Variants in MTUS1 observed in about 807,000 individuals in gnomAD.
MTUS1 encodes the protein microtubule associated scaffold protein 1, also known as microtubule-associated tumor suppressor 1.
Under a neutral mutation model 120.8 loss-of-function variants are expected in MTUS1, and 109 were observed. The ratio of observed to expected loss-of-function variants is 0.90; its 90% CI spans 0.77 to 1.06. MTUS1 has a LOEUF of 1.06. MTUS1 is among the 50% of genes least tolerant of loss of function. The probability of loss-of-function intolerance (pLI) is 0.00; values close to 1 mark genes in which losing one functional copy is unlikely to be tolerated. For synonymous variants in MTUS1, 737 were observed against 550.5 expected (o/e 1.34, Z -4.74); for missense variants, 2,210 against 1,486.3 (o/e 1.49, Z -8.01).
Position 17,654,643 on chromosome 8 carries a change from A to G in MTUS1, c.3132T>C (p.His1044=). 2.5e-6 allele frequency: 4 copies of G among 1,614,000 alleles called. No homozygotes were observed. The highest frequency in any genetic ancestry group is 3.4e-6 in the Non-Finnish European group (4 of 1,179,814). ...QEQFDNLNAA[H]ETSKLEIEAS... ...CTTCAATTTCCAACTTAGAGGTTTC[A>G]TGCGCAGCATTTAAGTTGTCAAACT... The change falls in exon 10 of 15, where the codon CAT becomes CAC. Residue 1044 remains histidine (H), a synonymous_variant. Coordinates refer to ENST00000693296, the MANE Select transcript of MTUS1 (RefSeq NM_001363059.2).
At chr8:17,764,824 G>T (rs927711448) in intron 1 of MTUS1, among the ~76,000 whole-genome samples, 2 of 152,150 alleles carry the variant, frequency 1.3e-5, no homozygotes, top group Admixed American at 6.5e-5. Context: ...CTAATCCCGT[G>T]GTCCCCAACC....
Position 17,762,362 on chromosome 8 carries a change from A to G in MTUS1, c.-154-6401T>C, listed in dbSNP as rs568936596. Among the ~76,000 whole-genome samples, 22 of 152,316 alleles carry G rather than the reference A, an allele frequency of 1.4e-4. No homozygotes were observed. In the South Asian group the frequency reaches 4.4e-3, roughly 30 times the overall value. ...ATGTATTATAAAAAATATATTCATA[A>G]GACTCCACCTCCTGTTAAAACCATT... On this transcript the variant is annotated intron_variant, in intron 1 of 14. Transcript: ENST00000693296.
chr8:17,646,874 G>T, intron 14 of MTUS1, 108 bp downstream of exon 14: 2 of 752,438 alleles, frequency 2.7e-6, no homozygotes, highest in South Asian at 3.3e-5. Context: ...TTAACCATCT[G>T]CTTCCATCAT....
In MTUS1 at chr8:17,655,297, A is replaced by AG. The variant is rs1484196546; in HGVS notation, c.3108+565_3108+566insC. On this transcript the variant is annotated intron_variant, in intron 9 of 14. Coordinates refer to ENST00000693296, the MANE Select transcript of MTUS1 (RefSeq NM_001363059.2). ...TAAACAGATGCCACTAAAAAAAAAAAAAAGAAAGAAATGCAAAACAATAGT... is the reference window on the plus strand; with the variant it reads ...TAAACAGATGCCACTAAAAAAAAAAAGAAAGAAAGAAATGCAAAACAATAGT... Among the ~76,000 whole-genome samples, 21 of 152,136 alleles carry AG rather than the reference A, an allele frequency of 1.4e-4. No homozygotes were observed. In the East Asian group the frequency reaches 3.1e-3, roughly 22 times the overall value.
rs563986761 is a variant in MTUS1 at position 17,778,790 on chromosome 8, C to T, written c.-155+22271G>A. The stretch of plus-strand genomic sequence containing the variant: ...CACCACTGCATTCCAGCCTGGGTGG[C>T]CGAGTAAGACTCTATCTCCAAAAAT... On this transcript the variant is annotated intron_variant, in intron 1 of 14. Coordinates refer to ENST00000693296, the MANE Select transcript of MTUS1 (RefSeq NM_001363059.2). 6.3e-4 allele frequency among the ~76,000 whole-genome samples: 96 copies of T among 152,036 alleles called. 1 individual carries two copies. The highest frequency in any genetic ancestry group is 3.4e-3 in the Middle Eastern group (1 of 294).
chr8:17,759,219 T>C, intron 1 of MTUS1, among the ~76,000 whole-genome samples: 1 of 151,974 alleles, frequency 6.6e-6, no homozygotes, highest in East Asian at 1.9e-4. Context: ...AGAGGATAAA[T>C]AATTTTATCA....
chr8:17,671,618 G>C (rs902450887), intron 8 of MTUS1, among the ~76,000 whole-genome samples: 1 of 152,226 alleles, frequency 6.6e-6, no homozygotes, highest in Non-Finnish European at 1.5e-5. Context: ...GTGGATGCTG[G>C]GACAGCTGGA....
chr8:17,706,595 A>C (rs117479589), intron 6 of MTUS1, among the ~76,000 whole-genome samples: 6,468 of 152,306 alleles, frequency 0.042, 158 homozygotes, highest in Middle Eastern at 0.065. Flanking sequence ...ACGGTATAAA[A>C]TGATATGAAG....
intron 8 of MTUS1, among the ~76,000 whole-genome samples, chr8:17,664,574 C>G (rs142300483): frequency 7.7e-4 from 117 of 151,898 alleles, no homozygotes; most frequent in African/African-American, 2.6e-3. Context: ...CGGCCTCCTC[C>G]TCTCAGTTCT....
intron 2 of MTUS1, among the ~76,000 whole-genome samples, chr8:17,745,859 G>A (rs1320025130): frequency 1.3e-5 from 2 of 152,138 alleles, no homozygotes; most frequent in African/African-American, 2.4e-5. Flanking sequence ...ATCTCACATC[G>A]AATTGTAATC....
chr8:17,724,052 G>C (rs1057063429), intron 3 of MTUS1: 1 of 571,498 alleles, frequency 1.7e-6, no homozygotes, highest in Non-Finnish European at 3.1e-6. Context: ...GAGGCAATTA[G>C]GATATGAGAA....
At chr8:17,718,775 GTGTGGTTCAAGTGAAA>G (rs1334011742) in intron 4 of MTUS1, among the ~76,000 whole-genome samples, 1 of 151,748 alleles carries the variant, frequency 6.6e-6, no homozygotes, top group African/African-American at 2.4e-5. Flanking sequence ...CATGGCCAAA[GTGTGGTTCAAGTGAAA>G]TAAAGGAGCT....
rs1382952326 is a variant in MTUS1, at chr8:17,770,835, AC to A, written c.-154-14875del. ...TCACTTGCAATAAAACTGTAAACAAACAAAAACATGACAAGTTCTTTAAGCA... is the reference window on the plus strand; with the variant it reads ...TCACTTGCAATAAAACTGTAAACAAAAAAAACATGACAAGTTCTTTAAGCA... On this transcript the variant is annotated intron_variant, in intron 1 of 14. Coordinates refer to ENST00000693296, the MANE Select transcript of MTUS1 (RefSeq NM_001363059.2). Among the ~76,000 whole-genome samples, 9 of 152,320 alleles carry A rather than the reference AC, an allele frequency of 5.9e-5. No individual in the cohort carries two copies. In the East Asian group the frequency reaches 1.7e-3, roughly 29 times the overall value.
chr8:17,780,417 G>T (rs1386819098), intron 1 of MTUS1, among the ~76,000 whole-genome samples: 1 of 152,148 alleles, frequency 6.6e-6, no homozygotes, highest in African/African-American at 2.4e-5. Flanking sequence ...AGAACAGTCT[G>T]ATACAATCTC....
At chr8:17,729,263 T>C (rs1383586545) in intron 3 of MTUS1, among the ~76,000 whole-genome samples, 4 of 152,082 alleles carry the variant, frequency 2.6e-5, no homozygotes, top group African/African-American at 9.7e-5. Context: ...ATAAGAGAAA[T>C]AAATTATACA....
intron 1 of MTUS1, among the ~76,000 whole-genome samples, chr8:17,773,540 G>A (rs2050172524): frequency 6.6e-6 from 1 of 152,170 alleles, no homozygotes; most frequent in South Asian, 2.1e-4. Context: ...CAGGCTTAGA[G>A]TCCAAGAACA....
chr8:17,722,011 C>G, intron 4 of MTUS1: 2 of 1,413,788 alleles, frequency 1.4e-6, no homozygotes, highest in Non-Finnish European at 1.8e-6. Flanking sequence ...AAAAAAAATG[C>G]GTAAGCTCCA....
At chr8:17,793,783 T>G (rs947416762) in intron 1 of MTUS1, among the ~76,000 whole-genome samples, 1 of 152,108 alleles carries the variant, frequency 6.6e-6, no homozygotes, top group Non-Finnish European at 1.5e-5. Context: ...TAACCAAGAA[T>G]GTCAATACAA....
chr8:17,688,290 G>A (rs1274353041), intron 6 of MTUS1, among the ~76,000 whole-genome samples: 1 of 152,156 alleles, frequency 6.6e-6, no homozygotes, highest in African/African-American at 2.4e-5. Flanking sequence ...TGCTTTGCGG[G>A]GACAGGAGAA....
Sources: allele counts gnomAD v4.1 joint callset (sites outside exome capture counted in the v4.1 genomes callset), GRCh38; gene constraint gnomAD v4.1.1; transcripts MANE v1.5; gene names NCBI Gene and HGNC (gene_info 2026-07-23, HGNC 2026-07-21).